The following SHANK2 variants were observed in gnomAD, a reference collection of about 807,000 sequenced individuals.
SHANK2 encodes SH3 and multiple ankyrin repeat domains protein 2.
In SHANK2, 43 loss-of-function variants were observed where a neutral mutation model predicts 133.7. The observed-to-expected ratio is 0.32, with a 90% CI of 0.25 to 0.41. SHANK2 has a LOEUF of 0.41. Among genes scored for constraint, SHANK2 ranks in the 10% least tolerant of loss-of-function variants. The pLI is 1.00. For missense variants in SHANK2, 1,994 were observed against 2,235.8 expected (o/e 0.89, Z 2.18); for synonymous variants, 1,017 against 952.8 (o/e 1.07, Z -1.24).
chr11:70,907,092 AG>A, intron 10 of SHANK2, among the ~76,000 whole-genome samples: 1 of 152,352 alleles, frequency 6.6e-6, no homozygotes, highest in East Asian at 1.9e-4. Flanking sequence ...GTGCCGGCTC[AG>A]GGGAGTCGTG....
intron 17 of SHANK2, among the ~76,000 whole-genome samples, chr11:70,513,679 CAGGAAATCCCA>C (rs1554969597): frequency 6.6e-6 from 1 of 152,136 alleles, no homozygotes; most frequent in Non-Finnish European, 1.5e-5. Flanking sequence ...GAATAAAAGA[CAGGAAATCCCA>C]AGGAAATTTT....
At chr11:70,602,633 C>T (rs919385519) in intron 17 of SHANK2, among the ~76,000 whole-genome samples, 9 of 152,166 alleles carry the variant, frequency 5.9e-5, no homozygotes, top group African/African-American at 1.4e-4. Flanking sequence ...CTGGTGGCAA[C>T]GCCTGTATTT....
At chr11:70,514,833 G>A (rs782667962) in intron 17 of SHANK2, among the ~76,000 whole-genome samples, 1 of 152,114 alleles carries the variant, frequency 6.6e-6, no homozygotes, top group Non-Finnish European at 1.5e-5. Flanking sequence ...ATAAACAGAA[G>A]ACAAACTTGT....
At chr11:70,854,076 G>C (rs1016660218) in intron 11 of SHANK2, among the ~76,000 whole-genome samples, 1 of 152,166 alleles carries the variant, frequency 6.6e-6, no homozygotes, top group African/African-American at 2.4e-5. Flanking sequence ...GAAAGACCCT[G>C]CAGTGTTAAC....
chr11:70,851,407 C>T (rs911375845), intron 11 of SHANK2, among the ~76,000 whole-genome samples: 17 of 152,200 alleles, frequency 1.1e-4, no homozygotes, highest in Non-Finnish European at 2.9e-5. Flanking sequence ...ATCCTGACCA[C>T]TGGGACATAA....
rs138425656 is a variant in SHANK2 at position 70,904,477 on chromosome 11, G to A, written c.1108-7910C>T. 6.0e-4 allele frequency among the ~76,000 whole-genome samples: 90 copies of A among 149,200 alleles called. No homozygotes were observed. In the East Asian group the frequency reaches 0.017, roughly 28 times the overall value. ...TCTCATAGCTCCCATAATTCCCACTGTTGTGGGAGGGACCCGGTGGGAGAT... is the reference window on the plus strand; with the variant it reads ...TCTCATAGCTCCCATAATTCCCACTATTGTGGGAGGGACCCGGTGGGAGAT... On this transcript the variant is annotated intron_variant, in intron 10 of 25. Transcript: ENST00000601538.
chr11:70,588,066 G>A (rs553859973), intron 17 of SHANK2, among the ~76,000 whole-genome samples: 1 of 152,262 alleles, frequency 6.6e-6, no homozygotes, highest in East Asian at 1.9e-4. Context: ...ACCCATATAA[G>A]ACAGAGAAAT....
Position 71,150,585 on chromosome 11 carries a change from C to T in SHANK2, c.-12-3247G>A, listed in dbSNP as rs187439756. Among the ~76,000 whole-genome samples the T allele has an allele frequency of 7.2e-5, 11 of 151,994 alleles. No homozygotes were observed. In the East Asian group the frequency reaches 2.1e-3, roughly 29 times the overall value. On this transcript the variant is annotated intron_variant, in intron 2 of 25. Transcript: ENST00000601538. ...TTCTATTTAGTCTCTAGCTATAAACCAAAATATATTTACTGTGCACCAATT... is the reference window on the plus strand; with the variant it reads ...TTCTATTTAGTCTCTAGCTATAAACTAAAATATATTTACTGTGCACCAATT...
intron 11 of SHANK2, among the ~76,000 whole-genome samples, chr11:70,848,005 T>C (rs1949022747): frequency 6.6e-6 from 1 of 152,326 alleles, no homozygotes; most frequent in Middle Eastern, 3.4e-3. Flanking sequence ...TGTGGCTTCA[T>C]CTTGCTAGAA....
chr11:71,162,608 A>C (rs1223424534), intron 2 of SHANK2, among the ~76,000 whole-genome samples: 2 of 152,242 alleles, frequency 1.3e-5, no homozygotes, highest in Non-Finnish European at 2.9e-5. Flanking sequence ...TGAAATGGGG[A>C]AATGTCAATT....
At chr11:70,796,343 C>G (rs1428433971) in intron 14 of SHANK2, among the ~76,000 whole-genome samples, 1 of 152,212 alleles carries the variant, frequency 6.6e-6, no homozygotes, top group Non-Finnish European at 1.5e-5. Context: ...AAATGATCCC[C>G]CTACGCAGCA....
intron 1 of SHANK2, among the ~76,000 whole-genome samples, chr11:71,234,598 T>C (rs1217305564): frequency 1.3e-5 from 2 of 152,076 alleles, no homozygotes; most frequent in African/African-American, 4.8e-5. Flanking sequence ...AGACCCAGCC[T>C]GCCCGAGCCT....
intron 8 of SHANK2, among the ~76,000 whole-genome samples, chr11:71,081,928 A>G (rs1233222480): frequency 5.9e-5 from 9 of 151,936 alleles, no homozygotes; most frequent in Admixed American, 5.9e-4. Context: ...CCTGGCAGGG[A>G]CCCCACACTC....
At chr11:70,554,720 T>C (rs1375775034) in intron 17 of SHANK2, among the ~76,000 whole-genome samples, 1 of 152,024 alleles carries the variant, frequency 6.6e-6, no homozygotes, top group Non-Finnish European at 1.5e-5. Context: ...TAACGCCCCG[T>C]TCCCCCACTC....
At chr11:70,944,982 T>C (rs916723182) in intron 10 of SHANK2, among the ~76,000 whole-genome samples, 3 of 152,212 alleles carry the variant, frequency 2.0e-5, no homozygotes, top group Non-Finnish European at 4.4e-5. Context: ...GTACAGTATC[T>C]CCTTTGGAAA....
In SHANK2 at chr11:70,820,667, G is replaced by A; in HGVS notation, c.1190C>T (p.Ala397Val). Residue 397 changes from alanine (A) to valine (V), a missense_variant, in exon 12 of 26, where the codon GCC (alanine) becomes GTC (valine). Ala to Val is a moderately conservative substitution (Grantham distance 64, BLOSUM62 0). This residue lies in a region of SHANK2 where 653 missense variants were observed against 563.4 expected (regional missense o/e 1.16). Coordinates refer to ENST00000601538, the MANE Select transcript of SHANK2 (RefSeq NM_012309.5). ...KETDIVPFRE[A>V]PAYSNRRRRP... ...CCGCCGGCGGTTGGAGTACGCCGGG[G>A]CCTCTCGGAAGGGCACTGGGGAGAA... The A allele has an allele frequency of 1.4e-6, 1 of 690,092 alleles. No homozygotes were observed. The highest frequency in any genetic ancestry group is 2.7e-5 in the East Asian group (1 of 36,910). The allele number at this position is 690,092 out of a possible 1,614,324, so 42.7% of individuals were successfully genotyped here. A position where few individuals can be genotyped will look rare whatever the true frequency, so the allele number is the denominator to read the frequency against.
At chr11:71,099,123 C>A (rs1469434731) in intron 6 of SHANK2, among the ~76,000 whole-genome samples, 3 of 152,116 alleles carry the variant, frequency 2.0e-5, no homozygotes, top group African/African-American at 7.2e-5. Context: ...CCTGACCAGT[C>A]CTCCTCTGAA....
chr11:70,534,195 G>T (rs1020439422), intron 17 of SHANK2, among the ~76,000 whole-genome samples: 7 of 152,314 alleles, frequency 4.6e-5, no homozygotes, highest in African/African-American at 1.7e-4. Flanking sequence ...CTGCATGGCT[G>T]GGGAGGCCTC....
intron 15 of SHANK2, among the ~76,000 whole-genome samples, chr11:70,672,440 C>T (rs75009732): frequency 0.011 from 1,642 of 152,362 alleles, 30 homozygotes; most frequent in African/African-American, 0.037. Flanking sequence ...CATGCCCCTT[C>T]TCCTCCTGAC....
Sources: gnomAD v4.1 joint callset for allele counts (sites outside exome capture counted in the v4.1 genomes callset) on GRCh38, gnomAD v4.1.1 for gene constraint, gnomAD v4.1.1 regional missense constraint, MANE v1.5 for transcripts, NCBI Gene and HGNC (gene_info 2026-07-23, HGNC 2026-07-21) for gene names.